EPHB2: variants seen among roughly 807,000 people sequenced by gnomAD.
EPHB2 encodes ephrin type-B receptor 2.
EPHB2 carries 18 observed loss-of-function variants against 96.4 expected under a neutral mutation model. That is an observed-to-expected ratio of 0.19 (90% CI 0.13 to 0.28). The LOEUF (loss-of-function observed/expected upper bound fraction) is 0.28, where lower values mean the gene tolerates loss of function less well. Ranked by LOEUF, EPHB2 falls within the 10% of genes least tolerant of loss-of-function variation. EPHB2 has a pLI of 1.00. For synonymous variants in EPHB2, 506 were observed against 534.1 expected (o/e 0.95, Z 0.72); for missense variants, 989 against 1,355.4 (o/e 0.73, Z 4.25).
intron 1 of EPHB2, among the ~76,000 whole-genome samples, chr1:22,757,321 T>C (rs981054303): frequency 6.6e-6 from 1 of 151,866 alleles, no homozygotes; most frequent in African/African-American, 2.4e-5. Context: ...ACAGACAGGT[T>C]CCAGGGAGGT....
chr1:22,827,479 G>A (rs550447492), intron 3 of EPHB2, among the ~76,000 whole-genome samples: 3 of 152,344 alleles, frequency 2.0e-5, no homozygotes, highest in South Asian at 2.1e-4. Flanking sequence ...GTTATACATA[G>A]TAGTGGCTTT....
intron 15 of EPHB2, chr1:22,912,917 G>T (rs547763817): frequency 1.8e-5 from 7 of 395,974 alleles, no homozygotes; most frequent in Non-Finnish European, 2.9e-5. Context: ...GCTGGCAGCC[G>T]GGCACAGTGG....
At chr1:22,850,302 C>T (rs956109625) in intron 3 of EPHB2, among the ~76,000 whole-genome samples, 4 of 152,186 alleles carry the variant, frequency 2.6e-5, no homozygotes, top group African/African-American at 2.4e-5. Context: ...GGGTTCTGGG[C>T]CCTAAGTTCT....
Position 22,865,050 on chromosome 1 carries a change from T to C in EPHB2, c.1141T>C (p.Tyr381His). 1 of 1,614,156 alleles carries C rather than the reference T, an allele frequency of 6.2e-7. No individual in the cohort carries two copies. The change falls in exon 5 of 16, where the codon TAC becomes CAC. Residue 381 changes from tyrosine (Y) to histidine (H), a missense_variant. Coordinates refer to ENST00000374630, the MANE Select transcript of EPHB2 (RefSeq NM_017449.5). ...ACTRCGDNVQ[Y>H]APRQLGLTEP... ...CACCCGCTGCGGGGACAATGTACAG[T>C]ACGCACCACGCCAGCTAGGCCTGAC...
At chr1:22,789,763 G>A (rs1644664554) in intron 3 of EPHB2, among the ~76,000 whole-genome samples, 2 of 152,210 alleles carry the variant, frequency 1.3e-5, no homozygotes, top group African/African-American at 4.8e-5. Context: ...TAAACTAGTT[G>A]CAGAATGTGA....
At chr1:22,728,079 A>G (rs1318185170) in intron 1 of EPHB2, among the ~76,000 whole-genome samples, 1 of 152,184 alleles carries the variant, frequency 6.6e-6, no homozygotes, top group Non-Finnish European at 1.5e-5. Context: ...GATAATAATA[A>G]TAAATAAAAC....
rs944431210 is a variant in EPHB2, at chr1:22,790,609, A to G, written c.811+5533A>G. ...TGTTCTCCTTGGTCTCTCCTTACCC[A>G]CCTCAGTCCCACTTCTGCCTGCCCA... On this transcript the variant is annotated intron_variant, in intron 3 of 15. Transcript: ENST00000374630. The surrounding 1 kb of genome is among the most constrained non-coding windows in gnomAD (Gnocchi z 4.0). Among the ~76,000 whole-genome samples the G allele has an allele frequency of 6.6e-6, 1 of 151,612 alleles. No homozygotes were observed. Among genetic ancestry groups the G allele is most frequent in the Non-Finnish European group, 1.5e-5 (1 of 67,874 alleles).
intron 1 of EPHB2, among the ~76,000 whole-genome samples, chr1:22,741,530 C>G (rs768643479): frequency 2.0e-5 from 3 of 152,024 alleles, no homozygotes; most frequent in Non-Finnish European, 4.4e-5. Flanking sequence ...TAGAATAACT[C>G]TGGCACATAG....
chr1:22,763,619 C>T (rs1177862053), intron 1 of EPHB2, among the ~76,000 whole-genome samples: 1 of 152,176 alleles, frequency 6.6e-6, no homozygotes, highest in Non-Finnish European at 1.5e-5. Context: ...ATGGATCCAG[C>T]CATCACGGGG....
intron 1 of EPHB2, among the ~76,000 whole-genome samples, chr1:22,723,064 G>A (rs1643502387): frequency 6.6e-6 from 1 of 152,212 alleles, no homozygotes; most frequent in Non-Finnish European, 1.5e-5. Context: ...GCCCCAGCAG[G>A]GAGAGAGCGT....
At chr1:22,814,097 G>A (rs1470724905) in intron 3 of EPHB2, among the ~76,000 whole-genome samples, 2 of 152,136 alleles carry the variant, frequency 1.3e-5, no homozygotes, top group Non-Finnish European at 2.9e-5. Flanking sequence ...TTGAACCTGG[G>A]AGGCAGAGGT....
intron 6 of EPHB2, among the ~76,000 whole-genome samples, chr1:22,890,566 A>C (rs374330008): frequency 5.3e-5 from 8 of 152,028 alleles, no homozygotes; most frequent in African/African-American, 1.9e-4. Context: ...TTGAGATCCC[A>C]TTCCAGTGAC....
At chr1:22,817,197 T>G (rs952796927) in intron 3 of EPHB2, among the ~76,000 whole-genome samples, 1 of 152,216 alleles carries the variant, frequency 6.6e-6, no homozygotes, top group Admixed American at 6.5e-5. Flanking sequence ...TGCTGTAGCT[T>G]TGATGGGACC....
At chr1:22,799,418 G>A (rs1333643370) in intron 3 of EPHB2, among the ~76,000 whole-genome samples, 2 of 152,164 alleles carry the variant, frequency 1.3e-5, no homozygotes, top group East Asian at 3.9e-4. Context: ...CCCTGGACAG[G>A]TGACTCACCT....
chr1:22,887,268 A>G (rs1481982416), intron 6 of EPHB2, among the ~76,000 whole-genome samples: 1 of 152,136 alleles, frequency 6.6e-6, no homozygotes, highest in Non-Finnish European at 1.5e-5. Flanking sequence ...TATGCCAGCC[A>G]CCACCACCAG....
chr1:22,739,124 C>T (rs1570181119), intron 1 of EPHB2, among the ~76,000 whole-genome samples: 4 of 152,158 alleles, frequency 2.6e-5, no homozygotes, highest in South Asian at 2.1e-4. Flanking sequence ...ACTGCAGCCT[C>T]GAACTCCTGG....
intron 3 of EPHB2, among the ~76,000 whole-genome samples, chr1:22,847,214 T>G (rs767163429): frequency 9.9e-5 from 15 of 152,184 alleles, no homozygotes; most frequent in Non-Finnish European, 2.2e-4. Flanking sequence ...TAAGTCCTAT[T>G]CATTAATCGA....
chr1:22,848,658 G>C (rs6667289), intron 3 of EPHB2, among the ~76,000 whole-genome samples: 4,442 of 152,284 alleles, frequency 0.029, 202 homozygotes, highest in African/African-American at 0.099. Context: ...GGAAGGTGAC[G>C]GGTTCTGTAC....
intron 1 of EPHB2, among the ~76,000 whole-genome samples, chr1:22,729,272 G>A (rs1183149069): frequency 6.6e-6 from 1 of 152,232 alleles, no homozygotes; most frequent in Non-Finnish European, 1.5e-5. Context: ...GATGCTGGAA[G>A]GAGATGACCT....
Sources: gnomAD v4.1 joint callset for allele counts (sites outside exome capture counted in the v4.1 genomes callset) on GRCh38, gnomAD v4.1.1 for gene constraint, Gnocchi (gnomAD v3.1) non-coding constraint, MANE v1.5 for transcripts, NCBI Gene and HGNC (gene_info 2026-07-23, HGNC 2026-07-21) for gene names.